Variants in ICAM2 observed in about 807,000 individuals in gnomAD.
The protein encoded by ICAM2 is intercellular adhesion molecule 2, also known as ICAM-2.
A neutral mutation model predicts 19.1 loss-of-function variants in ICAM2; 14 were observed. That is an observed-to-expected ratio of 0.73 (90% confidence interval 0.48 to 1.15). The LOEUF (loss-of-function observed/expected upper bound fraction) is 1.15, where lower values mean the gene tolerates loss of function less well. Among genes scored for constraint, ICAM2 ranks in the 50% most tolerant of loss-of-function variants. The pLI is 0.00. For missense variants in ICAM2, 311 were observed against 355.4 expected (o/e 0.88, Z 1.00); for synonymous variants, 153 against 152.7 (o/e 1.00, Z -0.01).
intron 1 of ICAM2, among the ~76,000 whole-genome samples, chr17:64,015,743 G>GA (rs1911697048): frequency 6.6e-6 from 1 of 151,562 alleles, no homozygotes; most frequent in Admixed American, 6.6e-5. Flanking sequence ...ATGTCTCCAA[G>GA]AAAAAAATAA....
At position 64,005,097 on chromosome 17, in the gene ICAM2, A is replaced by C; in HGVS notation, c.328+10T>G. On this transcript the variant is annotated intron_variant, in intron 3 of 4. Transcript: ENST00000579788. ...AGGGGAGAGGAGGGCCCCGCAGCAC[A>C]GCCACTCACGGTACACGCTGACGTT... is the stretch of plus-strand genomic sequence containing the variant. The C allele has an allele frequency of 6.2e-7, 1 of 1,614,090 alleles. No homozygotes were observed. The highest frequency in any genetic ancestry group is 8.5e-7 in the Non-Finnish European group (1 of 1,179,992).
intron 3 of ICAM2, 72 bp downstream of exon 3, chr17:64,005,035 G>A (rs1212442354): frequency 6.5e-7 from 1 of 1,527,020 alleles, no homozygotes. Flanking sequence ...GGCACAGAGG[G>A]GCTCTGTGTG....
intron 1 of ICAM2, among the ~76,000 whole-genome samples, chr17:64,010,407 C>T (rs1911402407): frequency 6.6e-6 from 1 of 151,924 alleles, no homozygotes; most frequent in Non-Finnish European, 1.5e-5. Context: ...TTCTGGAAAA[C>T]GTGAGAGAAT....
intron 2 of ICAM2, 63 bp from the exon 3 acceptor site, chr17:64,005,436 T>A: frequency 6.4e-7 from 1 of 1,559,542 alleles, no homozygotes; most frequent in Non-Finnish European, 8.7e-7. Flanking sequence ...CCAGTGGAGC[T>A]GTCCATTGAG....
chr17:64,006,898 G>A (rs1356807785), intron 1 of ICAM2, 163 bp from the exon 2 acceptor site: 1 of 595,148 alleles, frequency 1.7e-6, no homozygotes, highest in East Asian at 2.8e-5. Context: ...GGCAGAGGAA[G>A]CTGGGAAGCT....
chr17:64,019,939 G>A (rs1474700107), intron 1 of ICAM2, among the ~76,000 whole-genome samples: 1 of 150,832 alleles, frequency 6.6e-6, no homozygotes, highest in East Asian at 2.0e-4. Flanking sequence ...TGATGTATAT[G>A]TATGTTACAT....
intron 1 of ICAM2, among the ~76,000 whole-genome samples, chr17:64,013,473 C>T (rs1027320608): frequency 1.3e-5 from 2 of 151,822 alleles, no homozygotes; most frequent in Admixed American, 1.3e-4. Flanking sequence ...TGCACTCCAG[C>T]CTGGGTGATA....
intron 1 of ICAM2, among the ~76,000 whole-genome samples, chr17:64,012,651 C>A (rs1193992966): frequency 6.6e-6 from 1 of 152,132 alleles, no homozygotes; most frequent in Non-Finnish European, 1.5e-5. Flanking sequence ...AAAGGCAAAA[C>A]TTGGGTTTGC....
intron 1 of ICAM2, among the ~76,000 whole-genome samples, chr17:64,013,055 G>T (rs189738183): frequency 3.8e-4 from 58 of 152,270 alleles, no homozygotes; most frequent in African/African-American, 1.1e-3. Flanking sequence ...GCTTATGCTG[G>T]TAATCCCAGC....
chr17:64,012,111 T>C (rs534353406), intron 1 of ICAM2, among the ~76,000 whole-genome samples: 12 of 152,368 alleles, frequency 7.9e-5, no homozygotes, highest in African/African-American at 2.9e-4. Context: ...CCTGTCATTT[T>C]TGACAACACG....
In ICAM2 at chr17:64,003,668, CTGAG is replaced by C. The variant is rs1411065311; in HGVS notation, c.621_624del (p.His207GlnfsTer20). 1.1e-5 allele frequency: 17 copies of C among 1,613,868 alleles called. No homozygotes were observed. Among genetic ancestry groups the C allele is most frequent in the Admixed American group, 3.3e-5 (2 of 60,006 alleles). The stretch of plus-strand genomic sequence containing the variant: ...CCATAGATCTCCAACATCTTCGGGG[CTGAG>C]TGTTTGTGAAAGATGTTGCCACCGC... On this transcript the variant is annotated frameshift_variant, in exon 4 of 5. Coordinates refer to ENST00000579788, the MANE Select transcript of ICAM2 (RefSeq NM_001099789.2). LOFTEE classifies it low-confidence loss of function (END_TRUNC).
chr17:64,003,405 G>C (rs1368364095), intron 4 of ICAM2: 8 of 559,720 alleles, frequency 1.4e-5, no homozygotes, highest in Non-Finnish European at 2.6e-5. Flanking sequence ...AGCCGTCAAG[G>C]TCATGGGGCT....
chr17:64,012,368 C>T (rs572150495), intron 1 of ICAM2, among the ~76,000 whole-genome samples: 6 of 152,188 alleles, frequency 3.9e-5, no homozygotes, highest in Non-Finnish European at 7.4e-5. Flanking sequence ...GAGGCTGAGG[C>T]GGGTGGATCA....
intron 1 of ICAM2, among the ~76,000 whole-genome samples, chr17:64,017,933 G>C: frequency 6.6e-6 from 1 of 152,096 alleles, no homozygotes; most frequent in East Asian, 1.9e-4. Flanking sequence ...TTAGATTAAG[G>C]ATTTATATGT....
rs1911036675 is a variant in ICAM2 at position 64,004,129 on chromosome 17, G to C, written c.329-165C>G. On this transcript the variant is annotated intron_variant, in intron 3 of 4. Coordinates refer to ENST00000579788, the MANE Select transcript of ICAM2 (RefSeq NM_001099789.2). ...GAAGAGGGCAGCAGTTGAGGATGGA[G>C]GCTGGACTGTGTGGTAGTTTTACAG... 8.3e-6 allele frequency: 5 copies of C among 599,246 alleles called. No individual in the cohort carries two copies. The East Asian group carries it at 1.1e-4, about 13-fold the overall frequency. 37.1% of individuals were successfully genotyped at this position (599,246 alleles called of 1,614,324 possible). A position where few individuals can be genotyped will look rare whatever the true frequency, so the allele number is the denominator to read the frequency against.
At chr17:64,006,580 A>T in intron 2 of ICAM2, 51 bp downstream of exon 2, 1 of 1,529,110 alleles carries the variant, frequency 6.5e-7, no homozygotes, top group Non-Finnish European at 9.1e-7. Context: ...GGGCACCCCC[A>T]CCCTCTCGGC....
chr17:64,009,989 A>G (rs967916637), intron 1 of ICAM2, among the ~76,000 whole-genome samples: 1 of 152,118 alleles, frequency 6.6e-6, no homozygotes, highest in Non-Finnish European at 1.5e-5. Context: ...TGCAGTTTCC[A>G]TATTCCAGTG....
rs758262793 is a variant in ICAM2, at chr17:64,005,224, C to T, written c.211G>A (p.Glu71Lys). The change falls in exon 3 of 5, where the codon GAA becomes AAA. Residue 71 changes from glutamate to lysine, a missense_variant. Glu to Lys is a moderately conservative substitution (Grantham distance 56). Transcript: ENST00000579788. ...ETSLDKILLD[E>K]QAQWKHYLVS... ...AAGTAATGTTTCCACTGAGCCTGTT[C>T]GTCCAGCAGAATCTTATCTAGAGAG... 10 of 1,614,024 alleles carry T rather than the reference C, an allele frequency of 6.2e-6. No individual in the cohort carries two copies. The highest frequency in any genetic ancestry group is 4.0e-5 in the African/African-American group (3 of 74,896).
chr17:64,002,992 T>C, intron 4 of ICAM2, 67 bp from the exon 5 acceptor site: 1 of 1,493,072 alleles, frequency 6.7e-7, no homozygotes, highest in African/African-American at 1.4e-5. Context: ...CAAAAGGGAG[T>C]GGAAGTCCAC....
Sources: gnomAD v4.1 joint callset for allele counts (sites outside exome capture counted in the v4.1 genomes callset) on GRCh38, gnomAD v4.1.1 for gene constraint, MANE v1.5 for transcripts, NCBI Gene and HGNC (gene_info 2026-07-23, HGNC 2026-07-21) for gene names.